Variants in NABP2 observed in about 807,000 individuals in gnomAD.
NABP2 encodes the protein nucleic acid binding protein 2.
In NABP2, 7 loss-of-function variants were observed where a neutral mutation model predicts 22.7. The ratio of observed to expected loss-of-function variants is 0.31; its 90% CI spans 0.18 to 0.58. The LOEUF (loss-of-function observed/expected upper bound fraction) is 0.58, where lower values mean the gene tolerates loss of function less well. Ranked by LOEUF, NABP2 falls within the 20% of genes least tolerant of loss-of-function variation. The pLI, the probability that NABP2 is intolerant of heterozygous loss-of-function variation, is 0.89. For missense variants in NABP2, 188 were observed against 265.9 expected (o/e 0.71, Z 2.04); for synonymous variants, 107 against 99.2 (o/e 1.08, Z -0.47).
chr12:56,226,184 G>A lies in NABP2; in HGVS notation c.296G>A (p.Cys99Tyr). The A allele has an allele frequency of 6.2e-7, 1 of 1,614,076 alleles. No homozygotes were observed. The highest frequency in any genetic ancestry group is 2.2e-5 in the East Asian group (1 of 44,888). Reference sequence around the variant, plus strand: ...GCTACTTTCTTCCCTTGCAGATTCTGTATGGTTTATTCTGAGGTTCCTAAC... The same window carrying A: ...GCTACTTTCTTCCCTTGCAGATTCTATATGGTTTATTCTGAGGTTCCTAAC... ...GGDLQKIGEF[C>Y]MVYSEVPNFS... is the part of the protein sequence containing the mutation. The change falls in exon 5 of 7, where the codon TGT (cysteine) becomes TAT (tyrosine). Residue 99 changes from cysteine (C) to tyrosine (Y), a missense_variant. Physicochemically the swap from Cys to Tyr is radical, Grantham distance 194. Transcript: ENST00000267023.
At chr12:56,226,792 C>T (rs1237488890) in intron 6 of NABP2, among the ~76,000 whole-genome samples, 1 of 137,530 alleles carries the variant, frequency 7.3e-6, no homozygotes, top group East Asian at 2.3e-4. Flanking sequence ...GGTGTGACCT[C>T]GGCTCACTTC....
upstream of NABP2, among the ~76,000 whole-genome samples, chr12:56,224,068 C>G (rs1164630932): frequency 3.3e-5 from 5 of 152,344 alleles, no homozygotes; most frequent in South Asian, 4.1e-4. Context: ...CATTGTGTCA[C>G]TCTTTGGAAA....
At chr12:56,224,039 AAG>A (rs1183086953), upstream of NABP2, among the ~76,000 whole-genome samples, 6 of 152,224 alleles carry the variant, frequency 3.9e-5, no homozygotes, top group African/African-American at 1.4e-4. Context: ...CCAGATTCCG[AAG>A]CCCTTGCTCC....
chr12:56,225,366 C>T lies in NABP2; in HGVS notation c.80-7C>T, dbSNP rs763412180. On this transcript the variant is annotated splice_polypyrimidine_tract_variant and splice_region_variant and intron_variant, in intron 2 of 6. Coordinates refer to ENST00000267023, the MANE Select transcript of NABP2 (RefSeq NM_024068.4). Reference sequence around the variant, plus strand: ...TCCTCCCACCTCGATTTATCTGTTCCGTTCAGGCCGAGTGACCAAGACAAA... The same window carrying T: ...TCCTCCCACCTCGATTTATCTGTTCTGTTCAGGCCGAGTGACCAAGACAAA... The T allele has an allele frequency of 1.5e-5, 24 of 1,614,064 alleles. No homozygotes were observed. The Admixed American group carries it at 3.7e-4, about 25-fold the overall frequency.
At chr12:56,224,974 C>A in intron 2 of NABP2, 39 bp downstream of exon 2, 2 of 863,620 alleles carry the variant, frequency 2.3e-6, no homozygotes, top group Non-Finnish European at 1.8e-6. Context: ...GGATGGGGGT[C>A]GGGGGCAGGA....
rs1481544833 is a variant in NABP2, at chr12:56,229,378, C to T, written c.*165C>T. On this transcript the variant is annotated 3_prime_UTR_variant, in exon 7 of 7. Transcript: ENST00000267023. ...CCCTAATCTCATACTCCCTCATTGT[C>T]CAGCTGAACTACCTGTCCCCTGGGA... is the stretch of plus-strand genomic sequence containing the variant. 2.9e-6 allele frequency: 2 copies of T among 687,804 alleles called. No homozygotes were observed. Among genetic ancestry groups the T allele is most frequent in the East Asian group, 5.5e-5 (2 of 36,624 alleles). 42.6% of individuals were successfully genotyped at this position (687,804 alleles called of 1,614,324 possible).
chr12:56,222,840 G>GAGCT (rs1391214600), upstream of NABP2, among the ~76,000 whole-genome samples: 1 of 152,166 alleles, frequency 6.6e-6, no homozygotes, highest in Non-Finnish European at 1.5e-5. Context: ...CAACAATACA[G>GAGCT]AGCTAGCTAC....
At chr12:56,227,176 A>G (rs575181616) in intron 6 of NABP2, among the ~76,000 whole-genome samples, 15 of 151,806 alleles carry the variant, frequency 9.9e-5, no homozygotes, top group Non-Finnish European at 1.6e-4. Flanking sequence ...GGAGTTCAAG[A>G]CCAGCCATGG....
intron 1 of NABP2, 36 bp downstream of exon 1, chr12:56,224,477 C>T: frequency 9.5e-7 from 1 of 1,057,818 alleles, no homozygotes; most frequent in Middle Eastern, 2.7e-4. Flanking sequence ...AGGGGATGGA[C>T]CGAGTCCCGG....
chr12:56,226,438 A>C lies in NABP2; in HGVS notation c.436+19A>C, dbSNP rs769901190. The C allele has an allele frequency of 3.7e-6, 6 of 1,608,384 alleles. No individual in the cohort carries two copies. Among genetic ancestry groups the C allele is most frequent in the African/African-American group, 1.3e-5 (1 of 74,602 alleles). ...TCTCCAGGTAAATCTGTTCCCTTCTATCCACTGGTCCTCCTAGCTCTCCCA... is the reference window on the plus strand; with the variant it reads ...TCTCCAGGTAAATCTGTTCCCTTCTCTCCACTGGTCCTCCTAGCTCTCCCA... On this transcript the variant is annotated intron_variant, in intron 6 of 6. Coordinates refer to ENST00000267023, the MANE Select transcript of NABP2 (RefSeq NM_024068.4).
chr12:56,223,818 T>A (rs1421165302), upstream of NABP2: 1 of 152,222 alleles, frequency 6.6e-6, no homozygotes, highest in Admixed American at 6.5e-5. Context: ...ATATTTTTTG[T>A]CTTTTTTTCC....
chr12:56,224,726 G>A (rs1869678646), intron 1 of NABP2, 108 bp from the exon 2 acceptor site: 1 of 1,049,662 alleles, frequency 9.5e-7, no homozygotes, highest in Non-Finnish European at 1.4e-6. Flanking sequence ...GGGTTAGAGG[G>A]GTTGAGGCTG....
At chr12:56,226,745 T>TTTTTTTTTTTTTTA (rs1343984659) in intron 6 of NABP2, among the ~76,000 whole-genome samples, 7 of 136,884 alleles carry the variant, frequency 5.1e-5, no homozygotes, top group Admixed American at 7.4e-5. Context: ...TTTTTTTTTT[T>TTTTTTTTTTTTTTA]GAGATGGAGT....
rs1421591174 is a variant in NABP2, at chr12:56,229,013, G to A, written c.437-1G>A. ...TTTGTTTCTTCTCCTCCCACAATTAGCCTCTGAGAACCAGAATGGGAATGG... is the reference window on the plus strand; with the variant it reads ...TTTGTTTCTTCTCCTCCCACAATTAACCTCTGAGAACCAGAATGGGAATGG... On this transcript the variant is annotated splice_acceptor_variant, in intron 6 of 6. Transcript: ENST00000267023. LOFTEE classifies it high-confidence loss of function. 1 of 1,611,526 alleles carries A rather than the reference G, an allele frequency of 6.2e-7. No individual in the cohort carries two copies.
At chr12:56,228,490 G>A (rs568203359) in intron 6 of NABP2, among the ~76,000 whole-genome samples, 23 of 151,632 alleles carry the variant, frequency 1.5e-4, no homozygotes, top group South Asian at 6.2e-4. Flanking sequence ...AGGTTTAGGC[G>A]ACCCTCCTGC....
intron 2 of NABP2, 48 bp from the exon 3 acceptor site, chr12:56,225,325 T>C: frequency 6.2e-7 from 1 of 1,611,894 alleles, no homozygotes; most frequent in African/African-American, 1.3e-5. Flanking sequence ...GAGATACCAC[T>C]CCATTTATTT....
rs1869992645 is a variant in NABP2, at chr12:56,229,303, A to G, written c.*90A>G. The G allele has an allele frequency of 6.9e-7, 1 of 1,443,574 alleles. No homozygotes were observed. Among genetic ancestry groups the G allele is most frequent in the Non-Finnish European group, 9.6e-7 (1 of 1,043,758 alleles). 89.4% of individuals were successfully genotyped at this position (1,443,574 alleles called of 1,614,324 possible). ...TCCACTGATTGGCTGGTGTAGCAGT[A>G]TTTTAGCCACTGAACTTCAGTGGAG... is the stretch of plus-strand genomic sequence containing the variant. On this transcript the variant is annotated 3_prime_UTR_variant, in exon 7 of 7. Coordinates refer to ENST00000267023, the MANE Select transcript of NABP2 (RefSeq NM_024068.4).
rs1870041725 is a variant in NABP2, at chr12:56,229,852, C to T, written c.*639C>T. The T allele has an allele frequency of 6.5e-6, 1 of 153,560 alleles. No individual in the cohort carries two copies. The highest frequency in any genetic ancestry group is 2.4e-5 in the African/African-American group (1 of 41,456). 9.5% of individuals were successfully genotyped at this position (153,560 alleles called of 1,614,324 possible). ...CTCCTTCCTAATAAATGTTACCACT[C>T]TACTCTGTGTTGGACTCCTTTGCTT... On this transcript the variant is annotated 3_prime_UTR_variant, in exon 7 of 7. Coordinates refer to ENST00000267023, the MANE Select transcript of NABP2 (RefSeq NM_024068.4).
intron 1 of NABP2, 182 bp downstream of exon 1, chr12:56,224,623 C>A: frequency 1.8e-6 from 2 of 1,139,756 alleles, no homozygotes; most frequent in Non-Finnish European, 2.3e-6. Flanking sequence ...CGGCAGGGGG[C>A]CTTCCAGCCC....
Sources: allele counts gnomAD v4.1 joint callset (sites outside exome capture counted in the v4.1 genomes callset), GRCh38; gene constraint gnomAD v4.1.1; transcripts MANE v1.5; gene names NCBI Gene and HGNC (gene_info 2026-07-23, HGNC 2026-07-21).